SLC34A2: variants seen among roughly 807,000 people sequenced by gnomAD.
SLC34A2 encodes sodium-dependent phosphate transport protein 2B.
A neutral mutation model predicts 50.8 loss-of-function variants in SLC34A2; 41 were observed. That is an observed-to-expected ratio of 0.81 (90% CI 0.63 to 1.05). The LOEUF is 1.05. Ranked by LOEUF, SLC34A2 falls within the 50% of genes least tolerant of loss-of-function variation. SLC34A2 has a pLI of 0.00. For missense variants in SLC34A2, 879 were observed against 876.7 expected (o/e 1.00, Z -0.03); for synonymous variants, 401 against 364.2 (o/e 1.10, Z -1.15).
chr4:25,667,492 A>G (rs1381537456), intron 5 of SLC34A2, among the ~76,000 whole-genome samples: 1 of 152,260 alleles, frequency 6.6e-6, no homozygotes, highest in African/African-American at 2.4e-5. Flanking sequence ...AGCCTGGGAG[A>G]CAGAGCGAGA....
intron 10 of SLC34A2, among the ~76,000 whole-genome samples, chr4:25,673,552 T>C (rs1452580414): frequency 6.6e-6 from 1 of 152,168 alleles, no homozygotes; most frequent in Non-Finnish European, 1.5e-5. Context: ...AGAGCTTTAC[T>C]GGCTCTGTCA....
chr4:25,663,799 T>A (rs966030842), intron 3 of SLC34A2, among the ~76,000 whole-genome samples: 1 of 152,210 alleles, frequency 6.6e-6, no homozygotes, highest in African/African-American at 2.4e-5. Context: ...TAGAAAATAC[T>A]CTGTGCTGTT....
At chr4:25,659,847 A>G (rs1296008518) in intron 1 of SLC34A2, among the ~76,000 whole-genome samples, 1 of 152,188 alleles carries the variant, frequency 6.6e-6, no homozygotes, top group African/African-American at 2.4e-5. Context: ...TTCTTCTAAA[A>G]TTTAAAAAAT....
At chr4:25,676,027 G>A (rs1281442495) in intron 12 of SLC34A2, 108 bp from the exon 13 acceptor site, 5 of 1,537,792 alleles carry the variant, frequency 3.3e-6, no homozygotes, top group Non-Finnish European at 4.4e-6. Flanking sequence ...TGGAAGGCCC[G>A]AGACTGTGCT....
At position 25,676,755 on chromosome 4, in the gene SLC34A2, G is replaced by T. The variant is rs896271240; in HGVS notation, c.*6G>T. On this transcript the variant is annotated 3_prime_UTR_variant, in exon 13 of 13. Transcript: ENST00000382051. ...CCGAATGCACGGCCTTGTAGGGGAC[G>T]CCCCAGATTGTCAGGGATGGGGGGA... is the stretch of plus-strand genomic sequence containing the variant. 1 of 1,614,048 alleles carries T rather than the reference G, an allele frequency of 6.2e-7. No individual in the cohort carries two copies. Among genetic ancestry groups the T allele is most frequent in the African/African-American group, 1.3e-5 (1 of 75,036 alleles).
chr4:25,659,834 A>T (rs915333818), intron 1 of SLC34A2, among the ~76,000 whole-genome samples: 2 of 152,128 alleles, frequency 1.3e-5, no homozygotes, highest in Non-Finnish European at 2.9e-5. Context: ...TTTTAAAATA[A>T]TTTTCTTCTA....
rs1240615576 is a variant in SLC34A2 at position 25,676,300 on chromosome 4, C to T, written c.1624C>T (p.Leu542=). 1 of 1,614,222 alleles carries T rather than the reference C, an allele frequency of 6.2e-7. No homozygotes were observed. The highest frequency in any genetic ancestry group is 8.5e-7 in the Non-Finnish European group (1 of 1,180,046). ...GATCATCTTCTTCTTCCTGATCCCG[C>T]TGACGGTGTTTGGCCTCTCGCTGGC... The part of the protein sequence containing the change: ...YLIIFFFLIP[L]TVFGLSLAGW... Residue 542 remains leucine (L), a synonymous_variant, in exon 13 of 13, where the codon CTG becomes TTG. Coordinates refer to ENST00000382051, the MANE Select transcript of SLC34A2 (RefSeq NM_006424.3).
chr4:25,676,595 G>C lies in SLC34A2; in HGVS notation c.1919G>C (p.Arg640Pro). ...CLLCDCPKCCRCSKCCEDLEE... is the reference protein window; with the variant it reads ...CLLCDCPKCCPCSKCCEDLEE... ...CTGTGTGACTGCCCCAAGTGCTGCC[G>C]CTGCAGCAAGTGCTGCGAGGACTTG... is the stretch of plus-strand genomic sequence containing the variant. Residue 640 changes from arginine to proline, a missense_variant, in exon 13 of 13, where the codon CGC (arginine) becomes CCC (proline). Transcript: ENST00000382051. 1 of 1,613,502 alleles carries C rather than the reference G, an allele frequency of 6.2e-7. No individual in the cohort carries two copies. Among genetic ancestry groups the C allele is most frequent in the Non-Finnish European group, 8.5e-7 (1 of 1,179,480 alleles).
intron 10 of SLC34A2, among the ~76,000 whole-genome samples, chr4:25,673,788 G>A (rs149580653): frequency 3.7e-4 from 56 of 152,178 alleles, no homozygotes; most frequent in Non-Finnish European, 5.7e-4. Context: ...AAGAAAATTC[G>A]CCCCCCACCC....
At position 25,678,330 on chromosome 4, in the gene SLC34A2, TCTGCATGATTTGTG is replaced by T. The variant is rs71771687; in HGVS notation, c.*1584_*1597del. 4,555 of 155,570 alleles carry T rather than the reference TCTGCATGATTTGTG, an allele frequency of 0.029. 235 individuals carry two copies. The highest frequency in any genetic ancestry group is 0.1 in the African/African-American group (4,226 of 41,558). 9.6% of individuals were successfully genotyped at this position (155,570 alleles called of 1,614,324 possible). A position where few individuals can be genotyped will look rare whatever the true frequency, so the allele number is the denominator to read the frequency against. On this transcript the variant is annotated 3_prime_UTR_variant, in exon 13 of 13. Coordinates refer to ENST00000382051, the MANE Select transcript of SLC34A2 (RefSeq NM_006424.3). ...TTTTCATAAGTTATATAGTAAATGGTCTGCATGATTTGTGCTTCTAGTGCTCTCATTTGGAAATG... is the reference window on the plus strand; with the variant it reads ...TTTTCATAAGTTATATAGTAAATGGTCTTCTAGTGCTCTCATTTGGAAATG...
Position 25,674,423 on chromosome 4 carries a change from C to A in SLC34A2, c.1333+11C>A. 6.2e-7 allele frequency: 1 copy of A among 1,614,134 alleles called. No individual in the cohort carries two copies. The highest frequency in any genetic ancestry group is 8.5e-7 in the Non-Finnish European group (1 of 1,179,938). On this transcript the variant is annotated intron_variant, in intron 11 of 12. Transcript: ENST00000382051. ...TGACCCCCCTGATTGGTGAGTTACA[C>A]CCTGGCTTCTCCCTCTGGCCACCAC...
chr4:25,673,005 G>A (rs114244803), intron 9 of SLC34A2, 82 bp from the exon 10 acceptor site: 15,424 of 1,457,586 alleles, frequency 0.011, 105 homozygotes, highest in Non-Finnish European at 0.013. Context: ...TTGTAGGAAA[G>A]ACAGGATCTG....
At chr4:25,662,443 T>A in intron 1 of SLC34A2, 55 bp from the exon 2 acceptor site, 2 of 1,485,420 alleles carry the variant, frequency 1.3e-6, no homozygotes, top group Non-Finnish European at 9.4e-7. Context: ...TCTTATAGCA[T>A]CTCGGTGTGC....
chr4:25,665,955 A>C (rs1429050022), intron 4 of SLC34A2, among the ~76,000 whole-genome samples, 173 bp from the exon 5 acceptor site: 1 of 152,134 alleles, frequency 6.6e-6, no homozygotes, highest in African/African-American at 2.4e-5. Context: ...TCGGGGCAGC[A>C]CTGGGAAGAG....
In SLC34A2 at chr4:25,677,019, A is replaced by G. The variant is rs112749635; in HGVS notation, c.*270A>G. 3.7e-3 allele frequency: 1,869 copies of G among 511,044 alleles called. 12 individuals are homozygous for G. Among genetic ancestry groups the G allele is most frequent in the Non-Finnish European group, 5.2e-3 (1,480 of 284,106 alleles). The allele number at this position is 511,044 out of a possible 1,614,324, so 31.7% of individuals were successfully genotyped here. The stretch of plus-strand genomic sequence containing the variant: ...AGAATTAGAGAATGAACCTGGCGGG[A>G]CGGATGTCTAATCCTGCGCCTAGCT... On this transcript the variant is annotated 3_prime_UTR_variant, in exon 13 of 13. Coordinates refer to ENST00000382051, the MANE Select transcript of SLC34A2 (RefSeq NM_006424.3).
At chr4:25,669,929 A>G in intron 7 of SLC34A2, 87 bp downstream of exon 7, 1 of 1,214,164 alleles carries the variant, frequency 8.2e-7, no homozygotes, top group South Asian at 1.2e-5. Flanking sequence ...GAGTGTCTAC[A>G]ACACTATTCT....
chr4:25,662,220 G>A (rs1240355192), intron 1 of SLC34A2, among the ~76,000 whole-genome samples: 1 of 152,196 alleles, frequency 6.6e-6, no homozygotes, highest in Non-Finnish European at 1.5e-5. Context: ...ACAAGTTTAC[G>A]AGATTAAAGG....
chr4:25,668,044 C>T (rs548080971), intron 6 of SLC34A2, 53 bp downstream of exon 6: 6 of 1,179,744 alleles, frequency 5.1e-6, no homozygotes, highest in South Asian at 3.7e-5. Context: ...TTCTTGGCCA[C>T]GCTGTTGTAA....
chr4:25,667,861 G>A lies in SLC34A2; in HGVS notation c.524-19G>A, dbSNP rs1007839883. On this transcript the variant is annotated intron_variant, in intron 5 of 12. Transcript: ENST00000382051. Reference sequence around the variant, plus strand: ...GGCTGCCTTTCTAAGCTTGCTAATGGTACTTTTCCATCCTCTAGTGCTCAC... The same window carrying A: ...GGCTGCCTTTCTAAGCTTGCTAATGATACTTTTCCATCCTCTAGTGCTCAC... 4 of 1,550,908 alleles carry A rather than the reference G, an allele frequency of 2.6e-6. No individual in the cohort carries two copies. The highest frequency in any genetic ancestry group is 3.6e-6 in the Non-Finnish European group (4 of 1,122,668).
Sources: gnomAD v4.1 joint callset for allele counts (sites outside exome capture counted in the v4.1 genomes callset) on GRCh38, gnomAD v4.1.1 for gene constraint, MANE v1.5 for transcripts, NCBI Gene and HGNC (gene_info 2026-07-23, HGNC 2026-07-21) for gene names.